The following SPTBN4 variants were observed in gnomAD, a reference collection of about 807,000 sequenced individuals.
SPTBN4 encodes the protein spectrin beta chain, non-erythrocytic 4.
Under a neutral mutation model 277.8 loss-of-function variants are expected in SPTBN4, and 96 were observed. The ratio of observed to expected loss-of-function variants is 0.35; its 90% confidence interval spans 0.29 to 0.41. SPTBN4 has a LOEUF of 0.41. Ranked by LOEUF, SPTBN4 falls within the 10% of genes least tolerant of loss-of-function variation. The pLI, the probability that SPTBN4 is intolerant of heterozygous loss-of-function variation, is 1.00. For missense variants in SPTBN4, 3,006 were observed against 3,595.7 expected, an observed-to-expected ratio of 0.84 and a Z score of 4.19; for synonymous variants, 1,481 against 1,580.3, an observed-to-expected ratio of 0.94 and a Z score of 1.49.
intron 20 of SPTBN4, among the ~76,000 whole-genome samples, chr19:40,535,536 T>G (rs1278261957): frequency 6.7e-6 from 1 of 149,838 alleles, no homozygotes; most frequent in African/African-American, 2.5e-5. Flanking sequence ...TATGTAGTTA[T>G]ATAGTGCTTG....
chr19:40,544,127 C>CTTTTTTTTTTTTTTT (rs10618096), intron 20 of SPTBN4, among the ~76,000 whole-genome samples: 21 of 128,878 alleles, frequency 1.6e-4, no homozygotes, highest in East Asian at 8.7e-4. Context: ...TCTTCTTCCT[C>CTTTTTTTTTTTTTTT]TTTTTTTTTT....
Position 40,498,826 on chromosome 19 carries a change from C to G in SPTBN4, c.784+1222C>G, listed in dbSNP as rs144304784. On this transcript the variant is annotated intron_variant, in intron 7 of 35. Coordinates refer to ENST00000598249, the MANE Select transcript of SPTBN4 (RefSeq NM_020971.3). ...AAGTGATTCTCCCATCTCAGCCTCC[C>G]AAGTAGCTGGGACTACAGGTGTGCA... Among the ~76,000 whole-genome samples, 151 of 152,080 alleles carry G rather than the reference C, an allele frequency of 9.9e-4. 2 individuals carry two copies. The East Asian group carries it at 0.014, about 14-fold the overall frequency.
intron 17 of SPTBN4, among the ~76,000 whole-genome samples, chr19:40,526,091 G>A (rs1430426067): frequency 6.6e-6 from 1 of 151,824 alleles, no homozygotes; most frequent in Non-Finnish European, 1.5e-5. Flanking sequence ...CCCTGAATCC[G>A]TGACATTCAG....
chr19:40,555,938 A>AGAAAAC, intron 24 of SPTBN4, 146 bp from the exon 25 acceptor site: 2 of 702,102 alleles, frequency 2.8e-6, no homozygotes, highest in Non-Finnish European at 4.6e-6. Context: ...AAAAAAGAAA[A>AGAAAAC]GAAAACAGAG....
Position 40,503,941 on chromosome 19 carries a change from G to T in SPTBN4, c.1474G>T (p.Ala492Ser). 6.2e-7 allele frequency: 1 copy of T among 1,613,988 alleles called. No homozygotes were observed. Among genetic ancestry groups the T allele is most frequent in the Non-Finnish European group, 8.5e-7 (1 of 1,179,988 alleles). Residue 492 changes from alanine to serine, a missense_variant, in exon 12 of 36, where the codon GCC becomes TCC. Physicochemically the swap from Ala to Ser is moderately conservative, Grantham distance 99 (BLOSUM62 1). Around this residue, in one of 5 missense-constraint regions of SPTBN4, gnomAD observed 1,759 missense variants for 2,061.5 expected, o/e 0.85. Transcript: ENST00000598249. ...GCGGGTGCAGGGTGTGGCGGAGCTG[G>T]CCCAGGCATTGGCAGCCGAAGGCTA... is the stretch of plus-strand genomic sequence containing the variant. ...EERVQGVAEL[A>S]QALAAEGYYD...
At position 40,512,811 on chromosome 19, in the gene SPTBN4, T is replaced by G; in HGVS notation, c.2022T>G (p.Gly674=). 6.9e-7 allele frequency: 1 copy of G among 1,445,512 alleles called. No homozygotes were observed. Among genetic ancestry groups the G allele is most frequent in the Non-Finnish European group, 9.0e-7 (1 of 1,110,146 alleles). 89.5% of individuals were successfully genotyped at this position (1,445,512 alleles called of 1,614,324 possible). A position where few individuals can be genotyped will look rare whatever the true frequency, so the allele number is the denominator to read the frequency against. Residue 674 remains glycine, a synonymous_variant, in exon 14 of 36, where the codon GGT becomes GGG. Coordinates refer to ENST00000598249, the MANE Select transcript of SPTBN4 (RefSeq NM_020971.3). The part of the protein sequence containing the change: ...ERLLEAAGGG[G]AAGAAGAAGT... ...TCCTGGAGGCTGCGGGCGGCGGCGG[T>G]GCGGCGGGCGCAGCGGGCGCAGCGG...
chr19:40,575,536 C>A lies in SPTBN4; in HGVS notation c.7662C>A (p.Gly2554=), dbSNP rs940150134. ...STDEGNPKRE[G]GDRRASGRRK is the part of the protein sequence containing the mutation. Reference sequence around the variant, plus strand: ...ATGAGGGCAACCCTAAGAGGGAAGGCGGAGATCGCAGGGCCAGCGGGCGCA... The same window carrying A: ...ATGAGGGCAACCCTAAGAGGGAAGGAGGAGATCGCAGGGCCAGCGGGCGCA... Residue 2554 remains glycine (G), a synonymous_variant, in exon 36 of 36, where the codon GGC becomes GGA. Coordinates refer to ENST00000598249, the MANE Select transcript of SPTBN4 (RefSeq NM_020971.3). 6.2e-7 allele frequency: 1 copy of A among 1,612,594 alleles called. No individual in the cohort carries two copies. Among genetic ancestry groups the A allele is most frequent in the Non-Finnish European group, 8.5e-7 (1 of 1,179,658 alleles).
At position 40,490,240 on chromosome 19, in the gene SPTBN4, C is replaced by A. The variant is rs753897679; in HGVS notation, c.487C>A (p.Arg163Ser). 2.5e-6 allele frequency: 4 copies of A among 1,613,192 alleles called. No homozygotes were observed. Among genetic ancestry groups the A allele is most frequent in the Non-Finnish European group, 3.4e-6 (4 of 1,179,524 alleles). Residue 163 changes from arginine (R) to serine (S), a missense_variant, in exon 4 of 36, where the codon CGC (arginine) becomes AGC (serine). Physicochemically the swap from Arg to Ser is moderately radical, Grantham distance 110. Coordinates refer to ENST00000598249, the MANE Select transcript of SPTBN4 (RefSeq NM_020971.3). This position sits in a 1 kb window ranked among gnomAD's most constrained non-coding sequence, Gnocchi z 4.3. ...TLGLVWTIILRFQIQVIKIET... is the reference protein window; with the variant it reads ...TLGLVWTIILSFQIQVIKIET... ...GGGGCTGGTCTGGACCATCATCCTG[C>A]GCTTCCAGGTGACCCTCGAGTGGCC...
At chr19:40,497,345 C>T (rs999554428) in intron 6 of SPTBN4, 144 bp from the exon 7 acceptor site, 1 of 640,582 alleles carries the variant, frequency 1.6e-6, no homozygotes, top group African/African-American at 1.8e-5. Context: ...AAATGCTGCA[C>T]AGCACACACA....
chr19:40,519,957 G>A lies in SPTBN4; in HGVS notation c.3460G>A (p.Glu1154Lys), dbSNP rs572733235. 2 of 1,543,070 alleles carry A rather than the reference G, an allele frequency of 1.3e-6. No homozygotes were observed. The highest frequency in any genetic ancestry group is 2.8e-5 in the African/African-American group (2 of 70,556). ...EDYARIVAAS[E>K]ALLAADGAEL... Reference sequence around the variant, plus strand: ...CTATGCTCGCATCGTGGCGGCCAGCGAGGCGCTGCTGGCCGCCGACGGCGC... The same window carrying A: ...CTATGCTCGCATCGTGGCGGCCAGCAAGGCGCTGCTGGCCGCCGACGGCGC... The change falls in exon 16 of 36, where the codon GAG (glutamate) becomes AAG (lysine). Residue 1154 changes from glutamate to lysine, a missense_variant. Glu to Lys is a moderately conservative substitution (Grantham distance 56, BLOSUM62 1). Coordinates refer to ENST00000598249, the MANE Select transcript of SPTBN4 (RefSeq NM_020971.3). This position sits in a 1 kb window ranked among gnomAD's most constrained non-coding sequence, Gnocchi z 5.7.
rs778444111 is a variant in SPTBN4, at chr19:40,493,060, C to G, written c.587+6C>G. The G allele has an allele frequency of 3.7e-6, 6 of 1,613,634 alleles. No individual in the cohort carries two copies. The highest frequency in any genetic ancestry group is 5.1e-6 in the Non-Finnish European group (6 of 1,179,776). On this transcript the variant is annotated splice_donor_region_variant and intron_variant, in intron 5 of 35. Transcript: ENST00000598249. ...TGTCAGATGAAGACAGCTGGGTAAG[C>G]ACCCCCACCACCTTCCTTAGGAGGT... is the stretch of plus-strand genomic sequence containing the variant.
chr19:40,566,484 G>A (rs899258299), intron 30 of SPTBN4, 125 bp downstream of exon 30: 128 of 885,456 alleles, frequency 1.4e-4, no homozygotes, highest in Admixed American at 4.2e-4. Flanking sequence ...TGCCAAGACA[G>A]ACTCTTGCTA....
At chr19:40,469,325 C>T (rs981253940) in intron 1 of SPTBN4, among the ~76,000 whole-genome samples, 3 of 151,734 alleles carry the variant, frequency 2.0e-5, no homozygotes, top group Non-Finnish European at 4.4e-5. Flanking sequence ...AGTTTAGTGG[C>T]ACAATCTCGG....
At chr19:40,491,491 C>T (rs985293470) in intron 4 of SPTBN4, among the ~76,000 whole-genome samples, 1 of 152,040 alleles carries the variant, frequency 6.6e-6, no homozygotes, top group African/African-American at 2.4e-5. Flanking sequence ...CCCATAATCC[C>T]AGCACTTTGG....
At chr19:40,555,955 C>A in intron 24 of SPTBN4, 129 bp from the exon 25 acceptor site, 1 of 767,122 alleles carries the variant, frequency 1.3e-6, no homozygotes, top group Non-Finnish European at 2.0e-6. Flanking sequence ...AGAGCTCTAC[C>A]TGGGGACACA....
intron 22 of SPTBN4, among the ~76,000 whole-genome samples, chr19:40,553,232 C>T (rs916023781): frequency 6.6e-6 from 1 of 152,190 alleles, no homozygotes; most frequent in Non-Finnish European, 1.5e-5. Flanking sequence ...ATAAGCCTAG[C>T]ACTTTGGGAG....
chr19:40,523,421 G>C lies in SPTBN4; in HGVS notation c.3655-16G>C. 6.3e-7 allele frequency: 1 copy of C among 1,579,916 alleles called. No individual in the cohort carries two copies. The highest frequency in any genetic ancestry group is 1.3e-5 in the African/African-American group (1 of 74,270). ...GGAATGAGGCTGACCTTTGCACCAC[G>C]CTCCCTCCTCCCCAGGAGATGGCGC... is the stretch of plus-strand genomic sequence containing the variant. On this transcript the variant is annotated splice_polypyrimidine_tract_variant and intron_variant, in intron 16 of 35. Transcript: ENST00000598249.
rs61584591 is a variant in SPTBN4 at position 40,473,354 on chromosome 19, G to GTT, written c.169+583_169+584dup. 2.1e-3 allele frequency among the ~76,000 whole-genome samples: 205 copies of GTT among 99,070 alleles called. 5 individuals are homozygous for GTT. Among genetic ancestry groups the GTT allele is most frequent in the African/African-American group, 5.9e-3 (144 of 24,402 alleles). The allele number at this position is 99,070 out of a possible 152,430, so 65.0% of individuals were successfully genotyped here. ...CATGAGCCACTGCACCTGGCCTGGTGTTTTTTTTTTTTTTTTTTTTGAGAC... is the reference window on the plus strand; with the variant it reads ...CATGAGCCACTGCACCTGGCCTGGTGTTTTTTTTTTTTTTTTTTTTTTGAGAC... On this transcript the variant is annotated intron_variant, in intron 2 of 35. Transcript: ENST00000598249.
Position 40,570,649 on chromosome 19 carries a change from C to T in SPTBN4, c.7240C>T (p.Pro2414Ser). The change falls in exon 33 of 36, where the codon CCG becomes TCG. Residue 2414 changes from proline (P) to serine (S), a missense_variant. Transcript: ENST00000598249. ...CGGCTCCGCCCCCGCGCCTCCGCCACCGCCCACTCACACAGTGCAGCACGA... is the reference window on the plus strand; with the variant it reads ...CGGCTCCGCCCCCGCGCCTCCGCCATCGCCCACTCACACAGTGCAGCACGA... ...QGGSAPAPPP[P>S]PTHTVQHEGF... 1 of 1,525,732 alleles carries T rather than the reference C, an allele frequency of 6.6e-7. No individual in the cohort carries two copies. Among genetic ancestry groups the T allele is most frequent in the Admixed American group, 2.2e-5 (1 of 46,344 alleles). The allele number at this position is 1,525,732 out of a possible 1,614,324, so 94.5% of individuals were successfully genotyped here.
Sources: gnomAD v4.1 joint callset for allele counts (sites outside exome capture counted in the v4.1 genomes callset) on GRCh38, gnomAD v4.1.1 for gene constraint, gnomAD v4.1.1 regional missense constraint, Gnocchi (gnomAD v3.1) non-coding constraint, MANE v1.5 for transcripts, NCBI Gene and HGNC (gene_info 2026-07-23, HGNC 2026-07-21) for gene names.